Variants in SIRPA observed in about 807,000 individuals in gnomAD.
SIRPA encodes the protein signal regulatory protein alpha.
Under a neutral mutation model 50.3 loss-of-function variants are expected in SIRPA, and 9 were observed. The observed-to-expected ratio is 0.18, with a 90% confidence interval of 0.11 to 0.31. The LOEUF is 0.31. SIRPA is among the 10% of genes least tolerant of loss of function. SIRPA has a pLI of 1.00. For synonymous variants in SIRPA, 265 were observed against 284.1 expected (o/e 0.93, Z 0.68); for missense variants, 474 against 661.6 (o/e 0.72, Z 3.11).
At chr20:1,918,458 C>G (rs897057943) in intron 2 of SIRPA, among the ~76,000 whole-genome samples, 2 of 151,184 alleles carry the variant, frequency 1.3e-5, no homozygotes, top group Non-Finnish European at 2.9e-5. Flanking sequence ...GTGATCCCCC[C>G]ACCTCGGCCT....
At chr20:1,901,455 G>A (rs1216563041) in intron 1 of SIRPA, among the ~76,000 whole-genome samples, 3 of 152,138 alleles carry the variant, frequency 2.0e-5, no homozygotes, top group African/African-American at 7.2e-5. Context: ...ACAGGCGTGA[G>A]CCACTGCACC....
rs1307272371 is a variant in SIRPA, at chr20:1,939,851, G to A, written c.*2283G>A. 26 of 152,600 alleles carry A rather than the reference G, an allele frequency of 1.7e-4. No homozygotes were observed. Among genetic ancestry groups the A allele is most frequent in the Non-Finnish European group, 1.5e-5 (1 of 68,044 alleles). 9.5% of individuals were successfully genotyped at this position (152,600 alleles called of 1,614,324 possible). On this transcript the variant is annotated 3_prime_UTR_variant, in exon 8 of 8. Coordinates refer to ENST00000358771, the MANE Select transcript of SIRPA (RefSeq NM_001040023.2). The surrounding 1 kb of genome is among the most constrained non-coding windows in gnomAD (Gnocchi z 4.7). ...ATATAGTTGCAACTTAAACTTTTTG[G>A]CTTGCAAAATATTTTTGTAATAAAG... is the stretch of plus-strand genomic sequence containing the variant.
rs933646419 is a variant in SIRPA at position 1,934,055 on chromosome 20, T to G, written c.1227-660T>G. Among the ~76,000 whole-genome samples, 11 of 152,230 alleles carry G rather than the reference T, an allele frequency of 7.2e-5. No homozygotes were observed. The highest frequency in any genetic ancestry group is 2.4e-4 in the African/African-American group (10 of 41,458). On this transcript the variant is annotated intron_variant, in intron 6 of 7. Coordinates refer to ENST00000358771, the MANE Select transcript of SIRPA (RefSeq NM_001040023.2). This position sits in a 1 kb window ranked among gnomAD's most constrained non-coding sequence, Gnocchi z 4.6. ...TGCATTTTGCTATGTTTCCTTCCAG[T>G]GTTATCCACACATTTTTCATAATTG...
intron 6 of SIRPA, among the ~76,000 whole-genome samples, chr20:1,929,538 A>G (rs1986181699): frequency 6.6e-6 from 1 of 150,736 alleles, no homozygotes; most frequent in Non-Finnish European, 1.5e-5. Context: ...CTTCTGCCAG[A>G]GAAGGCTCTG....
intron 1 of SIRPA, among the ~76,000 whole-genome samples, chr20:1,904,302 C>T (rs908263197): frequency 6.6e-6 from 1 of 152,236 alleles, no homozygotes; most frequent in African/African-American, 2.4e-5. Context: ...CAACTTTAGA[C>T]ACCATGATGA....
At chr20:1,925,816 C>T in intron 5 of SIRPA, among the ~76,000 whole-genome samples, 1 of 152,152 alleles carries the variant, frequency 6.6e-6, no homozygotes, top group South Asian at 2.1e-4. Flanking sequence ...GTTCTCTTTC[C>T]CACTCTTGGA....
chr20:1,936,003 C>G lies in SIRPA; in HGVS notation c.1266+1249C>G, dbSNP rs540595222. ...ACTTTGTCCACTTTATTGAACCTCC[C>G]TTGGTCTCAGTGTCTTCAGCCGTAA... is the stretch of plus-strand genomic sequence containing the variant. On this transcript the variant is annotated intron_variant, in intron 7 of 7. Transcript: ENST00000358771. The surrounding 1 kb of genome is among the most constrained non-coding windows in gnomAD (Gnocchi z 4.2). Among the ~76,000 whole-genome samples, 19 of 152,242 alleles carry G rather than the reference C, an allele frequency of 1.2e-4. No homozygotes were observed. The East Asian group carries it at 3.7e-3, about 29-fold the overall frequency.
chr20:1,897,080 C>T (rs1031214391), intron 1 of SIRPA, among the ~76,000 whole-genome samples: 2 of 152,236 alleles, frequency 1.3e-5, no homozygotes, highest in African/African-American at 4.8e-5. Context: ...GGTTCAGTCC[C>T]TGGCAAACGA....
chr20:1,922,536 T>A lies in SIRPA; in HGVS notation c.978T>A (p.Asp326Glu). ...LLVNVSAHRD[D>E]VKLTCQVEHD... ...TGAATGTATCTGCCCACAGGGATGA[T>A]GTGAAGCTCACCTGCCAGGTGGAGC... The change falls in exon 4 of 8, where the codon GAT (aspartate) becomes GAA (glutamate). Residue 326 changes from aspartate (D) to glutamate (E), a missense_variant. Asp to Glu is a conservative substitution (Grantham distance 45). Coordinates refer to ENST00000358771, the MANE Select transcript of SIRPA (RefSeq NM_001040023.2). 6.2e-7 allele frequency: 1 copy of A among 1,614,144 alleles called. No individual in the cohort carries two copies. The highest frequency in any genetic ancestry group is 8.5e-7 in the Non-Finnish European group (1 of 1,180,018).
intron 1 of SIRPA, among the ~76,000 whole-genome samples, chr20:1,909,277 C>T (rs1984738283): frequency 6.6e-6 from 1 of 152,200 alleles, no homozygotes; most frequent in African/African-American, 2.4e-5. Flanking sequence ...GCTGTGGTGA[C>T]CCACTGCTTC....
At chr20:1,895,131 C>G (rs1983696635), upstream of SIRPA, among the ~76,000 whole-genome samples, 2 of 151,744 alleles carry the variant, frequency 1.3e-5, no homozygotes, top group Non-Finnish European at 2.9e-5. Flanking sequence ...CTCCGTGTCT[C>G]TGGCTCTCTG....
At chr20:1,896,166 A>G (rs1203273857) in intron 1 of SIRPA, among the ~76,000 whole-genome samples, 1 of 152,298 alleles carries the variant, frequency 6.6e-6, no homozygotes, top group Middle Eastern at 3.4e-3. Context: ...TGGTTGCCAA[A>G]GCCTCTCCCT....
chr20:1,925,804 A>C lies in SIRPA; in HGVS notation c.1201+927A>C, dbSNP rs186757794. 2.0e-4 allele frequency among the ~76,000 whole-genome samples: 30 copies of C among 152,298 alleles called. No homozygotes were observed. In the Middle Eastern group the frequency reaches 0.014, roughly 69 times the overall value. ...CACATTCTAGGATCGCCATAAATAC[A>C]TGTTCTCTTTCCCACTCTTGGAGAA... On this transcript the variant is annotated intron_variant, in intron 5 of 7. Coordinates refer to ENST00000358771, the MANE Select transcript of SIRPA (RefSeq NM_001040023.2).
rs756699291 is a variant in SIRPA at position 1,932,723 on chromosome 20, G to A, written c.1227-1992G>A. On this transcript the variant is annotated intron_variant, in intron 6 of 7. Transcript: ENST00000358771. The surrounding 1 kb of genome is among the most constrained non-coding windows in gnomAD (Gnocchi z 6.0). ...GGTTCTTCAGGAATCAGGGGAGTTC[G>A]GATGGTGGAGAGGATGGGGTGGCTG... 9.2e-5 allele frequency among the ~76,000 whole-genome samples: 14 copies of A among 152,286 alleles called. No homozygotes were observed. Among genetic ancestry groups the A allele is most frequent in the Middle Eastern group, 3.4e-3 (1 of 294 alleles).
intron 1 of SIRPA, among the ~76,000 whole-genome samples, chr20:1,907,548 T>G (rs1984619091): frequency 6.6e-6 from 1 of 152,150 alleles, no homozygotes; most frequent in African/African-American, 2.4e-5. Flanking sequence ...CATCCCAGCC[T>G]CTGTCAGCCT....
intron 6 of SIRPA, among the ~76,000 whole-genome samples, chr20:1,931,214 C>T (rs1262853745): frequency 6.6e-6 from 1 of 152,138 alleles, no homozygotes; most frequent in Non-Finnish European, 1.5e-5. Flanking sequence ...TCTCTATTTC[C>T]ACAAGTTCTC....
At position 1,940,158 on chromosome 20, in the gene SIRPA, TG is replaced by T. The variant is rs1986793760; in HGVS notation, c.*2593del. On this transcript the variant is annotated 3_prime_UTR_variant, in exon 8 of 8. Coordinates refer to ENST00000358771, the MANE Select transcript of SIRPA (RefSeq NM_001040023.2). The stretch of plus-strand genomic sequence containing the variant: ...TCTCGGCTCTGCTGCTTTGTAGCTG[TG>T]GGAGTTCAAACAGCACCTCTTTGAG... 6.6e-6 allele frequency: 1 copy of T among 151,796 alleles called. No individual in the cohort carries two copies. Among genetic ancestry groups the T allele is most frequent in the African/African-American group, 2.4e-5 (1 of 41,264 alleles). The allele number at this position is 151,796 out of a possible 1,614,324, so 9.4% of individuals were successfully genotyped here.
Position 1,933,069 on chromosome 20 carries a change from G to T in SIRPA, c.1227-1646G>T. ...CATCTGAAGGAAGAAAAGGATTAAA[G>T]CAGATTAAGAGGCAGCAGCATGGAG... is the stretch of plus-strand genomic sequence containing the variant. On this transcript the variant is annotated intron_variant, in intron 6 of 7. Transcript: ENST00000358771. This position sits in a 1 kb window ranked among gnomAD's most constrained non-coding sequence, Gnocchi z 4.4. 6.6e-6 allele frequency among the ~76,000 whole-genome samples: 1 copy of T among 152,226 alleles called. No homozygotes were observed. Among genetic ancestry groups the T allele is most frequent in the Non-Finnish European group, 1.5e-5 (1 of 68,032 alleles).
intron 5 of SIRPA, among the ~76,000 whole-genome samples, chr20:1,926,937 GTCACCTAGTCTC>G (rs1986014609): frequency 6.6e-6 from 1 of 152,234 alleles, no homozygotes; most frequent in South Asian, 2.1e-4. Context: ...ACCCTGAGGA[GTCACCTAGTCTC>G]TCTGGTGTAA....
Sources: allele counts gnomAD v4.1 joint callset (sites outside exome capture counted in the v4.1 genomes callset), GRCh38; gene constraint gnomAD v4.1.1; non-coding constraint Gnocchi (gnomAD v3.1); transcripts MANE v1.5; gene names NCBI Gene and HGNC (gene_info 2026-07-23, HGNC 2026-07-21).